R3HDM2: variants seen among roughly 807,000 people sequenced by gnomAD.
R3HDM2 encodes the protein R3H domain-containing protein 2.
R3HDM2 carries 38 observed loss-of-function variants against 124.5 expected under a neutral mutation model. The ratio of observed to expected loss-of-function variants is 0.31; its 90% CI spans 0.24 to 0.40. The LOEUF (loss-of-function observed/expected upper bound fraction) is 0.40, where lower values mean the gene tolerates loss of function less well. Among genes scored for constraint, R3HDM2 ranks in the 10% least tolerant of loss-of-function variants. The probability of loss-of-function intolerance (pLI) is 1.00; values close to 1 mark genes in which losing one functional copy is unlikely to be tolerated. For missense variants in R3HDM2, 869 were observed against 1,236.9 expected (o/e 0.70, Z 4.46); for synonymous variants, 391 against 448.0 (o/e 0.87, Z 1.61).
At chr12:57,320,261 CAAA>C (rs56207989) in intron 2 of R3HDM2, among the ~76,000 whole-genome samples, 63 of 14,276 alleles carry the variant, frequency 4.4e-3, no homozygotes, top group East Asian at 0.022. Context: ...AACTCTATCT[CAAA>C]AAAAAAAAAA....
At chr12:57,307,414 G>A (rs2052887713) in intron 3 of R3HDM2, among the ~76,000 whole-genome samples, 1 of 150,858 alleles carries the variant, frequency 6.6e-6, no homozygotes, top group Admixed American at 6.6e-5. Context: ...TGCCTCCCAG[G>A]GGTTCAAGTG....
intron 10 of R3HDM2, among the ~76,000 whole-genome samples, chr12:57,295,136 C>T (rs569076153): frequency 6.6e-6 from 1 of 152,312 alleles, no homozygotes; most frequent in African/African-American, 2.4e-5. Context: ...TGTTAGAAGT[C>T]AGTGGCAGAC....
rs2042030597 is a variant in R3HDM2, at chr12:57,265,206, G to A, written c.2131+1525C>T. ...TGTTGAAGACTCAGTATGGGATGCG[G>A]AAAGTCAAAAGACCCAAATTCAAGT... is the stretch of plus-strand genomic sequence containing the variant. On this transcript the variant is annotated intron_variant, in intron 19 of 23. Coordinates refer to ENST00000402412, the MANE Select transcript of R3HDM2 (RefSeq NM_001394031.1). 2.0e-5 allele frequency among the ~76,000 whole-genome samples: 3 copies of A among 152,194 alleles called. No individual in the cohort carries two copies. In the South Asian group the frequency reaches 6.2e-4, roughly 32 times the overall value.
chr12:57,271,901 T>C (rs2043672027), intron 14 of R3HDM2, among the ~76,000 whole-genome samples: 1 of 152,058 alleles, frequency 6.6e-6, no homozygotes, highest in African/African-American at 2.4e-5. Context: ...TGCATTTTTT[T>C]TTTTTTTTGA....
At chr12:57,412,258 T>C (rs2069071474) in intron 1 of R3HDM2, among the ~76,000 whole-genome samples, 2 of 151,982 alleles carry the variant, frequency 1.3e-5, no homozygotes, top group Admixed American at 6.6e-5. Context: ...ACACAAAGTA[T>C]TGGCCGGGCG....
At chr12:57,428,558 G>A (rs963824756) in intron 1 of R3HDM2, among the ~76,000 whole-genome samples, 4 of 151,938 alleles carry the variant, frequency 2.6e-5, no homozygotes, top group Middle Eastern at 3.4e-3. Flanking sequence ...AGGAGGCTGA[G>A]GCAGGAGAAT....
chr12:57,304,898 A>G (rs1322423539), intron 3 of R3HDM2, among the ~76,000 whole-genome samples: 1 of 152,148 alleles, frequency 6.6e-6, no homozygotes, highest in East Asian at 1.9e-4. Context: ...AAAACCAAAT[A>G]TATTGGCTGG....
chr12:57,339,501 C>T lies in R3HDM2; in HGVS notation c.-35-29038G>A, dbSNP rs192408551. On this transcript the variant is annotated intron_variant, in intron 2 of 23. Coordinates refer to ENST00000402412, the MANE Select transcript of R3HDM2 (RefSeq NM_001394031.1). Reference sequence around the variant, plus strand: ...GATCACGAGGTCAGAAGTTCAAGACCAACCTGGCCAACATGGTGAAACCCC... The same window carrying T: ...GATCACGAGGTCAGAAGTTCAAGACTAACCTGGCCAACATGGTGAAACCCC... Among the ~76,000 whole-genome samples the T allele has an allele frequency of 7.8e-4, 119 of 151,838 alleles. 1 individual carries two copies. The highest frequency in any genetic ancestry group is 2.7e-3 in the African/African-American group (113 of 41,422).
intron 1 of R3HDM2, among the ~76,000 whole-genome samples, chr12:57,400,438 T>TG (rs1594488945): frequency 1.3e-5 from 1 of 77,548 alleles, no homozygotes; most frequent in African/African-American, 5.1e-5. Context: ...TGTTGTGGGG[T>TG]GGGGGGAAGG....
intron 2 of R3HDM2, among the ~76,000 whole-genome samples, chr12:57,350,815 C>T (rs561045619): frequency 1.3e-5 from 2 of 151,928 alleles, no homozygotes; most frequent in East Asian, 1.9e-4. Flanking sequence ...ATTAGCTAGG[C>T]GTTGGCCAGG....
At position 57,304,478 on chromosome 12, in the gene R3HDM2, T is replaced by C. The variant is rs528407494; in HGVS notation, c.166-1261A>G. ...ACAAGTCAGAGACAGAGTACCAGCA[T>C]GGCCTTGGGTAGGTGAGGATTTCTC... On this transcript the variant is annotated intron_variant, in intron 3 of 23. Coordinates refer to ENST00000402412, the MANE Select transcript of R3HDM2 (RefSeq NM_001394031.1). 22 of 977,092 alleles carry C rather than the reference T, an allele frequency of 2.3e-5. No homozygotes were observed. In the East Asian group the frequency reaches 2.1e-3, roughly 91 times the overall value. The allele number at this position is 977,092 out of a possible 1,614,324, so 60.5% of individuals were successfully genotyped here.
At chr12:57,423,246 A>AC (rs1220775907) in intron 1 of R3HDM2, among the ~76,000 whole-genome samples, 2 of 150,974 alleles carry the variant, frequency 1.3e-5, no homozygotes, top group East Asian at 2.0e-4. Context: ...ACATGGTGAA[A>AC]CCCCCCATCT....
intron 2 of R3HDM2, among the ~76,000 whole-genome samples, chr12:57,353,648 C>T (rs1314611574): frequency 2.0e-5 from 3 of 151,866 alleles, no homozygotes; most frequent in Non-Finnish European, 4.4e-5. Flanking sequence ...CTCTTGGACT[C>T]CAGGATCCTC....
intron 4 of R3HDM2, among the ~76,000 whole-genome samples, chr12:57,301,100 T>C (rs2051028524): frequency 6.6e-6 from 1 of 150,806 alleles, no homozygotes; most frequent in Admixed American, 6.6e-5. Flanking sequence ...TGAGACCCTA[T>C]CTCAAAAAAC....
rs549762666 is a variant in R3HDM2, at chr12:57,388,502, A to T, written c.-36+7247T>A. On this transcript the variant is annotated intron_variant, in intron 2 of 23. Transcript: ENST00000402412. Reference sequence around the variant, plus strand: ...GCTTGCTTGCTGGGGATTCTATAAGATGGTGCTTGTGCTGTGTGCTGAAGA... The same window carrying T: ...GCTTGCTTGCTGGGGATTCTATAAGTTGGTGCTTGTGCTGTGTGCTGAAGA... Among the ~76,000 whole-genome samples, 30 of 152,290 alleles carry T rather than the reference A, an allele frequency of 2.0e-4. 2 individuals carry two copies. Among genetic ancestry groups the T allele is most frequent in the African/African-American group, 7.2e-4 (30 of 41,562 alleles).
chr12:57,292,476 A>AACAC lies in R3HDM2; in HGVS notation c.906+95_906+96insGTGT, dbSNP rs940001377. Reference sequence around the variant, plus strand: ...TTGGTTAAAATAAAACAAACAAACAAACCCAAAAACATTTGTGGAGGGTTC... The same window carrying AACAC: ...TTGGTTAAAATAAAACAAACAAACAAACACACCCAAAAACATTTGTGGAGGGTTC... On this transcript the variant is annotated intron_variant, in intron 11 of 23. Transcript: ENST00000402412. 4 of 856,608 alleles carry AACAC rather than the reference A, an allele frequency of 4.7e-6. No homozygotes were observed. In the African/African-American group the frequency reaches 6.8e-5, roughly 15 times the overall value. 53.1% of individuals were successfully genotyped at this position (856,608 alleles called of 1,614,324 possible).
intron 1 of R3HDM2, among the ~76,000 whole-genome samples, chr12:57,405,946 G>T (rs2068486669): frequency 1.3e-5 from 2 of 152,060 alleles, no homozygotes; most frequent in African/African-American, 4.8e-5. Flanking sequence ...AAGACTAACA[G>T]GATCACATCC....
At chr12:57,359,427 C>G (rs577856263) in intron 2 of R3HDM2, among the ~76,000 whole-genome samples, 3 of 152,290 alleles carry the variant, frequency 2.0e-5, no homozygotes, top group Non-Finnish European at 4.4e-5. Flanking sequence ...ACTAACTCCT[C>G]TTTCATCATT....
chr12:57,295,608 C>G (rs1344983957), intron 9 of R3HDM2, 101 bp from the exon 10 acceptor site: 1 of 769,536 alleles, frequency 1.3e-6, no homozygotes, highest in Non-Finnish European at 2.1e-6. Flanking sequence ...ACAACTCACA[C>G]TCAGGGAATT....
Sources: allele counts gnomAD v4.1 joint callset (sites outside exome capture counted in the v4.1 genomes callset), GRCh38; gene constraint gnomAD v4.1.1; transcripts MANE v1.5; gene names NCBI Gene and HGNC (gene_info 2026-07-23, HGNC 2026-07-21).